Variants in SHISA6 observed in about 807,000 individuals in gnomAD.
SHISA6 encodes the protein shisa family member 6.
SHISA6 carries 22 observed loss-of-function variants against 47.9 expected under a neutral mutation model. The observed-to-expected ratio is 0.46, with a 90% CI of 0.33 to 0.66. SHISA6 has a LOEUF of 0.66. SHISA6 is among the 30% of genes least tolerant of loss of function. The pLI is 0.02. For missense variants in SHISA6, 680 were observed against 764.6 expected, an observed-to-expected ratio of 0.89 and a Z score of 1.30; for synonymous variants, 388 against 337.8, an observed-to-expected ratio of 1.15 and a Z score of -1.63.
chr17:11,356,764 G>A (rs1912091980), intron 2 of SHISA6, among the ~76,000 whole-genome samples: 1 of 152,098 alleles, frequency 6.6e-6, no homozygotes, highest in Admixed American at 6.6e-5. Flanking sequence ...AGTCTCTGCT[G>A]GCTGAGTTGA....
chr17:11,247,396 A>G (rs185080492), intron 1 of SHISA6, among the ~76,000 whole-genome samples: 1 of 152,270 alleles, frequency 6.6e-6, no homozygotes, highest in East Asian at 1.9e-4. Context: ...TTCCTACCAC[A>G]TGCTGGAACT....
intron 2 of SHISA6, among the ~76,000 whole-genome samples, chr17:11,337,779 G>A (rs1339578596): frequency 6.6e-6 from 1 of 152,138 alleles, no homozygotes; most frequent in Non-Finnish European, 1.5e-5. Context: ...TCAGACCTGA[G>A]TCTCTAGAGG....
intron 3 of SHISA6, among the ~76,000 whole-genome samples, chr17:11,490,174 C>T (rs1044286856): frequency 2.6e-5 from 4 of 152,130 alleles, no homozygotes; most frequent in Admixed American, 1.3e-4. Context: ...CATTGGCCTG[C>T]GCTCATAGTT....
At chr17:11,530,186 T>C (rs558440318) in intron 3 of SHISA6, among the ~76,000 whole-genome samples, 1 of 152,182 alleles carries the variant, frequency 6.6e-6, no homozygotes, top group Non-Finnish European at 1.5e-5. Flanking sequence ...TACACTAAGT[T>C]CTGCCTGTTA....
At chr17:11,469,337 A>G (rs1241715305) in intron 3 of SHISA6, among the ~76,000 whole-genome samples, 1 of 152,204 alleles carries the variant, frequency 6.6e-6, no homozygotes, top group East Asian at 1.9e-4. Context: ...GGAAGGGGCC[A>G]AGAGCCAAGA....
chr17:11,308,467 C>G (rs4792125), intron 2 of SHISA6, among the ~76,000 whole-genome samples: 113,481 of 152,014 alleles, frequency 0.75, 42,495 homozygotes, highest in Middle Eastern at 0.79. Flanking sequence ...AGGATACCAA[C>G]GGAGCTTTCT....
intron 3 of SHISA6, among the ~76,000 whole-genome samples, chr17:11,439,276 C>G (rs1274972204): frequency 2.0e-5 from 3 of 152,162 alleles, no homozygotes; most frequent in Non-Finnish European, 1.5e-5. Flanking sequence ...TCGGAGGACT[C>G]TGGGTGGGTC....
At chr17:11,393,119 A>G (rs748591366) in intron 3 of SHISA6, among the ~76,000 whole-genome samples, 2 of 152,208 alleles carry the variant, frequency 1.3e-5, no homozygotes, top group African/African-American at 2.4e-5. Context: ...CCCCTTTAAG[A>G]AGATATCTGG....
At chr17:11,480,197 A>G (rs1456618645) in intron 3 of SHISA6, among the ~76,000 whole-genome samples, 4 of 152,018 alleles carry the variant, frequency 2.6e-5, no homozygotes, top group African/African-American at 9.7e-5. Context: ...CCACAGTCCT[A>G]GCTTCTTTCA....
chr17:11,349,645 A>G (rs1911808017), intron 2 of SHISA6, among the ~76,000 whole-genome samples: 1 of 152,196 alleles, frequency 6.6e-6, no homozygotes, highest in Admixed American at 6.5e-5. Context: ...AGTCAGTGCT[A>G]AAGACAACCA....
At chr17:11,350,969 A>G (rs1911870651) in intron 2 of SHISA6, among the ~76,000 whole-genome samples, 2 of 152,346 alleles carry the variant, frequency 1.3e-5, no homozygotes, top group South Asian at 2.1e-4. Context: ...GCCATAAAAA[A>G]GAATGAGTTC....
At chr17:11,266,769 A>C (rs1376389019) in intron 2 of SHISA6, among the ~76,000 whole-genome samples, 3 of 152,246 alleles carry the variant, frequency 2.0e-5, no homozygotes, top group Non-Finnish European at 4.4e-5. Flanking sequence ...TCCTTAGACC[A>C]GGCAGGGCCC....
chr17:11,488,903 G>A (rs1226075055), intron 3 of SHISA6, among the ~76,000 whole-genome samples: 1 of 152,166 alleles, frequency 6.6e-6, no homozygotes, highest in Non-Finnish European at 1.5e-5. Context: ...AAAAATCAGG[G>A]TACTATGCCC....
chr17:11,476,018 T>A (rs1222380891), intron 3 of SHISA6, among the ~76,000 whole-genome samples: 1 of 152,052 alleles, frequency 6.6e-6, no homozygotes. Context: ...TTTGGCAGAT[T>A]GTATCTTTTT....
intron 3 of SHISA6, among the ~76,000 whole-genome samples, chr17:11,448,849 T>C (rs1915307593): frequency 6.6e-6 from 1 of 152,062 alleles, no homozygotes; most frequent in African/African-American, 2.4e-5. Flanking sequence ...AATCATCTTG[T>C]CTCTTCAGCC....
At chr17:11,511,922 C>T (rs17701052) in intron 3 of SHISA6, among the ~76,000 whole-genome samples, 8,341 of 152,276 alleles carry the variant, frequency 0.055, 266 homozygotes, top group Middle Eastern at 0.099. Flanking sequence ...AGGACGGAGA[C>T]CTTGGGCGTG....
intron 2 of SHISA6, among the ~76,000 whole-genome samples, chr17:11,365,634 G>C (rs1912425891): frequency 1.3e-5 from 2 of 152,112 alleles, no homozygotes; most frequent in African/African-American, 4.8e-5. Context: ...CAGTTGACAG[G>C]AATTTAATAA....
chr17:11,243,678 C>T (rs999591429), intron 1 of SHISA6, among the ~76,000 whole-genome samples: 2 of 152,188 alleles, frequency 1.3e-5, no homozygotes, highest in Non-Finnish European at 2.9e-5. Flanking sequence ...AGGAATTGCC[C>T]GTGGGCAGGT....
intron 2 of SHISA6, among the ~76,000 whole-genome samples, chr17:11,358,727 C>T (rs958675731): frequency 1.3e-5 from 2 of 149,856 alleles, no homozygotes; most frequent in Non-Finnish European, 3.0e-5. Flanking sequence ...GCAGTGGCGG[C>T]GGGCATGATT....
Sources: gnomAD v4.1 joint callset for allele counts (sites outside exome capture counted in the v4.1 genomes callset) on GRCh38, gnomAD v4.1.1 for gene constraint, MANE v1.5 for transcripts, NCBI Gene and HGNC (gene_info 2026-07-23, HGNC 2026-07-21) for gene names.